The following ADGRD1 variants were observed in gnomAD, a reference collection of about 807,000 sequenced individuals.
ADGRD1 encodes the protein G-protein coupled receptor 133.
ADGRD1 carries 77 observed loss-of-function variants against 113.4 expected under a neutral mutation model. The ratio of observed to expected loss-of-function variants is 0.68; its 90% confidence interval spans 0.57 to 0.82. ADGRD1 has a LOEUF of 0.82. Ranked by LOEUF, ADGRD1 falls within the 40% of genes least tolerant of loss-of-function variation. The pLI, the probability that ADGRD1 is intolerant of heterozygous loss-of-function variation, is 0.00. For synonymous variants in ADGRD1, 474 were observed against 475.0 expected (o/e 1.00, Z 0.03); for missense variants, 1,036 against 1,139.1 (o/e 0.91, Z 1.30).
At position 130,992,053 on chromosome 12, in the gene ADGRD1, AG is replaced by A. The variant is rs1243861945; in HGVS notation, c.811-183del. Among the ~76,000 whole-genome samples the A allele has an allele frequency of 2.6e-5, 4 of 151,640 alleles. No homozygotes were observed. The South Asian group carries it at 6.3e-4, about 24-fold the overall frequency. On this transcript the variant is annotated intron_variant, in intron 7 of 24. Coordinates refer to ENST00000261654, the MANE Select transcript of ADGRD1 (RefSeq NM_198827.5). Reference sequence around the variant, plus strand: ...AGAGACTCGCTTGAACCCGGGAGGCAGAGGCTGCAGTGAGCCGAGATTGCGC... The same window carrying A: ...AGAGACTCGCTTGAACCCGGGAGGCAAGGCTGCAGTGAGCCGAGATTGCGC...
intron 20 of ADGRD1, among the ~76,000 whole-genome samples, chr12:131,129,978 C>T (rs1593266950): frequency 6.6e-6 from 1 of 152,264 alleles, no homozygotes; most frequent in African/African-American, 2.4e-5. Context: ...AATTGAAATC[C>T]CCACTCGAAG....
chr12:130,978,041 A>C (rs546563700), intron 4 of ADGRD1: 1 of 152,206 alleles, frequency 6.6e-6, no homozygotes, highest in Non-Finnish European at 1.5e-5. Context: ...CCTGTGCTTC[A>C]GTTTTCTCCC....
rs1405841027 is a variant in ADGRD1 at position 131,041,517 on chromosome 12, C to A, written c.1473+27177C>A. On this transcript the variant is annotated intron_variant, in intron 13 of 24. Transcript: ENST00000261654. The surrounding 1 kb of genome is among the most constrained non-coding windows in gnomAD (Gnocchi z 4.4). ...ACCGAGACCGAGACCACTTTGTGAC[C>A]TCCGCAGGGAGACGGAGACTGTGGT... 2.0e-5 allele frequency among the ~76,000 whole-genome samples: 3 copies of A among 152,160 alleles called. No individual in the cohort carries two copies. The highest frequency in any genetic ancestry group is 4.4e-5 in the Non-Finnish European group (3 of 68,020).
intron 12 of ADGRD1, among the ~76,000 whole-genome samples, chr12:131,013,428 G>T (rs1040418202): frequency 1.3e-5 from 2 of 152,144 alleles, no homozygotes; most frequent in African/African-American, 4.8e-5. Context: ...CAGGGCATGA[G>T]GAGAAGTCTG....
At chr12:131,070,934 G>C (rs766371907) in intron 13 of ADGRD1, 1 of 519,052 alleles carries the variant, frequency 1.9e-6, no homozygotes. Context: ...CCTGGGGTCA[G>C]AGTGGGCCTG....
chr12:130,968,552 T>G (rs992284032), intron 3 of ADGRD1: 1 of 165,740 alleles, frequency 6.0e-6, no homozygotes, highest in Non-Finnish European at 1.3e-5. Context: ...TTTGTCCATT[T>G]GTCATCATCT....
chr12:131,018,556 G>C (rs564347371), intron 13 of ADGRD1, among the ~76,000 whole-genome samples: 20 of 152,200 alleles, frequency 1.3e-4, no homozygotes, highest in African/African-American at 4.3e-4. Flanking sequence ...TTCAGGCCAC[G>C]AGGACCCGTA....
chr12:130,982,291 C>G (rs1055839952), intron 5 of ADGRD1, among the ~76,000 whole-genome samples: 44 of 152,268 alleles, frequency 2.9e-4, no homozygotes, highest in African/African-American at 9.1e-4. Context: ...TCCGTCTGCC[C>G]GTGCACTGTG....
intron 4 of ADGRD1, chr12:130,981,388 A>G (rs1172027681): frequency 6.6e-6 from 1 of 152,434 alleles, no homozygotes; most frequent in East Asian, 1.9e-4. Context: ...GTTGTTTATA[A>G]ACCAGTGTGC....
At chr12:131,135,462 C>T (rs932946852) in intron 21 of ADGRD1, among the ~76,000 whole-genome samples, 1 of 152,148 alleles carries the variant, frequency 6.6e-6, no homozygotes, top group African/African-American at 2.4e-5. Flanking sequence ...ATGAGCAGGG[C>T]CATGAAGATG....
At position 131,033,139 on chromosome 12, in the gene ADGRD1, C is replaced by T. The variant is rs910989572; in HGVS notation, c.1473+18799C>T. 1.4e-4 allele frequency among the ~76,000 whole-genome samples: 22 copies of T among 152,236 alleles called. 1 individual carries two copies. Among genetic ancestry groups the T allele is most frequent in the Non-Finnish European group, 2.5e-4 (17 of 68,048 alleles). On this transcript the variant is annotated intron_variant, in intron 13 of 24. Transcript: ENST00000261654. ...GCAGTGCCCTGGGTCTCCTGCATGC[C>T]CACCCTCCGTGTGCAGACCAGGCTG...
chr12:131,000,167 C>T (rs1056598638), intron 8 of ADGRD1, among the ~76,000 whole-genome samples: 2 of 152,228 alleles, frequency 1.3e-5, no homozygotes, highest in Admixed American at 1.3e-4. Flanking sequence ...GTCACTGACT[C>T]GACAGGGCTG....
intron 13 of ADGRD1, among the ~76,000 whole-genome samples, chr12:131,051,081 A>G (rs1264687150): frequency 6.6e-6 from 1 of 152,236 alleles, no homozygotes; most frequent in Non-Finnish European, 1.5e-5. Context: ...CCCCGCCTGC[A>G]ACACTGGGGA....
chr12:131,042,233 GC>G (rs1882207817), intron 13 of ADGRD1, among the ~76,000 whole-genome samples: 1 of 152,160 alleles, frequency 6.6e-6, no homozygotes, highest in Admixed American at 6.5e-5. Flanking sequence ...TGCTGAACAG[GC>G]CAAACCCAGC....
chr12:131,129,347 G>A (rs2034567942), intron 20 of ADGRD1, among the ~76,000 whole-genome samples: 3 of 138,446 alleles, frequency 2.2e-5, no homozygotes, highest in South Asian at 4.8e-4. Context: ...CCTCCTGTCT[G>A]GGTGTGAGTG....
At chr12:131,105,977 CCAGA>C (rs1308526688) in intron 17 of ADGRD1, 112 bp downstream of exon 17, 1 of 735,720 alleles carries the variant, frequency 1.4e-6, no homozygotes, top group Non-Finnish European at 2.3e-6. Flanking sequence ...ACCCATCTCC[CCAGA>C]CAACCAGGGC....
chr12:131,028,634 A>G (rs1023990433), intron 13 of ADGRD1, among the ~76,000 whole-genome samples: 5 of 152,098 alleles, frequency 3.3e-5, no homozygotes, highest in Admixed American at 1.3e-4. Context: ...GTAGGGGTTG[A>G]GACTGACCAC....
At chr12:131,130,243 T>A (rs1334924827) in intron 20 of ADGRD1, among the ~76,000 whole-genome samples, 1 of 152,220 alleles carries the variant, frequency 6.6e-6, no homozygotes, top group Non-Finnish European at 1.5e-5. Context: ...ACTTCTGTTA[T>A]TAGCCTCACT....
intron 20 of ADGRD1, among the ~76,000 whole-genome samples, chr12:131,130,752 TGCG>T: frequency 6.7e-6 from 1 of 149,934 alleles, no homozygotes; most frequent in Middle Eastern, 3.4e-3. Flanking sequence ...GCCCATCCCG[TGCG>T]GGGGGAGAGC....
Sources: gnomAD v4.1 joint callset for allele counts (sites outside exome capture counted in the v4.1 genomes callset) on GRCh38, gnomAD v4.1.1 for gene constraint, Gnocchi (gnomAD v3.1) non-coding constraint, MANE v1.5 for transcripts, NCBI Gene and HGNC (gene_info 2026-07-23, HGNC 2026-07-21) for gene names.